The following RAB31 variants were observed in gnomAD, a reference collection of about 807,000 sequenced individuals.
RAB31 encodes RAB31, member RAS oncogene family, also known as ras-related protein Rab-31.
Under a neutral mutation model 25.6 loss-of-function variants are expected in RAB31, and 21 were observed. The observed-to-expected ratio is 0.82, with a 90% CI of 0.58 to 1.18. RAB31 has a LOEUF of 1.18. Among genes scored for constraint, RAB31 ranks in the 50% most tolerant of loss-of-function variants. RAB31 has a pLI of 0.00. For missense variants in RAB31, 196 were observed against 250.1 expected (o/e 0.78, Z 1.46); for synonymous variants, 87 against 84.0 (o/e 1.04, Z -0.20).
rs985991386 is a variant in RAB31, at chr18:9,859,937, T to C, written c.*612T>C. On this transcript the variant is annotated 3_prime_UTR_variant, in exon 7 of 7. Coordinates refer to ENST00000578921, the MANE Select transcript of RAB31 (RefSeq NM_006868.4). ...AAACTGTTGTCTACACCACTTTTAA[T>C]TGGTGAACAATTTTTCTAAGTTATG... 2.0e-5 allele frequency: 3 copies of C among 152,250 alleles called. No homozygotes were observed. The highest frequency in any genetic ancestry group is 7.2e-5 in the African/African-American group (3 of 41,466). 9.4% of individuals were successfully genotyped at this position (152,250 alleles called of 1,614,324 possible). A position where few individuals can be genotyped will look rare whatever the true frequency, so the allele number is the denominator to read the frequency against.
intron 5 of RAB31, among the ~76,000 whole-genome samples, chr18:9,835,374 G>A (rs2068699041): frequency 6.6e-6 from 1 of 151,538 alleles, no homozygotes; most frequent in Admixed American, 6.6e-5. Flanking sequence ...GGACTAGGCT[G>A]AATTTCTGTC....
At chr18:9,713,941 ACCTAAGCACCTCCCAAAGG>A (rs2068031109) in intron 1 of RAB31, among the ~76,000 whole-genome samples, 2 of 152,236 alleles carry the variant, frequency 1.3e-5, no homozygotes, top group South Asian at 4.2e-4. Context: ...TACCCTCACA[ACCTAAGCACCTCCCAAAGG>A]CCCACCTCCT....
At position 9,708,423 on chromosome 18, in the gene RAB31, G is replaced by A; in HGVS notation, c.18G>A (p.Glu6=). 2.5e-6 allele frequency: 4 copies of A among 1,570,396 alleles called. No individual in the cohort carries two copies. The highest frequency in any genetic ancestry group is 3.4e-6 in the Non-Finnish European group (4 of 1,159,864). MMAIR[E]LKVCLLGDTG... ...GCGAGCACATGATGGCGATACGGGA[G>A]CTCAAAGTGTGCCTTCTCGGGGTGA... The change falls in exon 1 of 7, where the codon GAG becomes GAA. Residue 6 remains glutamate (E), a synonymous_variant. Transcript: ENST00000578921. This position sits in a 1 kb window ranked among gnomAD's most constrained non-coding sequence, Gnocchi z 6.4.
At chr18:9,735,998 G>A (rs893069991) in intron 1 of RAB31, among the ~76,000 whole-genome samples, 3 of 152,060 alleles carry the variant, frequency 2.0e-5, no homozygotes, top group African/African-American at 7.2e-5. Context: ...CACCAAGCCT[G>A]GCTAATTTTT....
intron 2 of RAB31, among the ~76,000 whole-genome samples, chr18:9,783,546 G>T (rs1249395325): frequency 6.9e-6 from 1 of 145,054 alleles, no homozygotes; most frequent in Non-Finnish European, 1.5e-5. Context: ...ATGAAAATCT[G>T]ACTAACATCA....
intron 2 of RAB31, among the ~76,000 whole-genome samples, chr18:9,786,078 CAG>C (rs1389248687): frequency 1.4e-5 from 2 of 146,666 alleles, no homozygotes; most frequent in Non-Finnish European, 3.0e-5. Context: ...AAGAGAGTAA[CAG>C]AGAAGAGAAA....
chr18:9,832,795 G>A (rs1413027569), intron 5 of RAB31, among the ~76,000 whole-genome samples: 1 of 152,200 alleles, frequency 6.6e-6, no homozygotes, highest in Non-Finnish European at 1.5e-5. Context: ...TATCCTGAGG[G>A]GGAGATTGGA....
At position 9,708,363 on chromosome 18, in the gene RAB31, CG is replaced by C; in HGVS notation, c.-41del. The C allele has an allele frequency of 6.8e-7, 1 of 1,480,550 alleles. No individual in the cohort carries two copies. The highest frequency in any genetic ancestry group is 1.3e-5 in the South Asian group (1 of 77,498). 91.7% of individuals were successfully genotyped at this position (1,480,550 alleles called of 1,614,324 possible). A position where few individuals can be genotyped will look rare whatever the true frequency, so the allele number is the denominator to read the frequency against. On this transcript the variant is annotated 5_prime_UTR_variant, in exon 1 of 7. Coordinates refer to ENST00000578921, the MANE Select transcript of RAB31 (RefSeq NM_006868.4). This position sits in a 1 kb window ranked among gnomAD's most constrained non-coding sequence, Gnocchi z 6.4. ...CGGCGGGGCGCGGGCGCGGCGGCCCCGGAGGATGCTGCTGAGCCCCGGCACT... is the reference window on the plus strand; with the variant it reads ...CGGCGGGGCGCGGGCGCGGCGGCCCCGAGGATGCTGCTGAGCCCCGGCACT...
rs778924798 is a variant in RAB31, at chr18:9,766,154, C to T, written c.40-9124C>T. 3.3e-5 allele frequency among the ~76,000 whole-genome samples: 5 copies of T among 152,116 alleles called. No homozygotes were observed. The highest frequency in any genetic ancestry group is 7.4e-5 in the Non-Finnish European group (5 of 68,014). ...CTCTGAGTTGACCCTGGTTTTGGGG[C>T]TGTAGAAAGGGGAGGAGTAGCCATC... On this transcript the variant is annotated intron_variant, in intron 1 of 6. Transcript: ENST00000578921. The surrounding 1 kb of genome is among the most constrained non-coding windows in gnomAD (Gnocchi z 4.3).
rs1455992154 is a variant in RAB31 at position 9,859,273 on chromosome 18, G to A, written c.536G>A (p.Gly179Glu). Residue 179 changes from glycine (G) to glutamate (E), a missense_variant, in exon 7 of 7, where the codon GGA becomes GAA. Physicochemically the swap from Gly to Glu is moderately conservative, Grantham distance 98. Coordinates refer to ENST00000578921, the MANE Select transcript of RAB31 (RefSeq NM_006868.4). Reference protein sequence around the residue: ...PLDPHENGNNGTIKVEKPTMQ... With the variant: ...PLDPHENGNNETIKVEKPTMQ... ...GACCCCCATGAAAATGGAAACAATG[G>A]AACAATCAAAGTTGAGAAGCCAACC... The A allele has an allele frequency of 1.2e-6, 2 of 1,613,868 alleles. No homozygotes were observed. Among genetic ancestry groups the A allele is most frequent in the Non-Finnish European group, 8.5e-7 (1 of 1,179,836 alleles).
chr18:9,751,801 A>C (rs2145478800), intron 1 of RAB31, among the ~76,000 whole-genome samples: 2 of 152,342 alleles, frequency 1.3e-5, no homozygotes, highest in Admixed American at 1.3e-4. Flanking sequence ...CATCTACAAA[A>C]TCTTTGGGAC....
At chr18:9,720,658 C>T (rs567891676) in intron 1 of RAB31, among the ~76,000 whole-genome samples, 3 of 148,870 alleles carry the variant, frequency 2.0e-5, no homozygotes, top group Non-Finnish European at 3.0e-5. Flanking sequence ...AGATTTGGGC[C>T]TATAAGTAAT....
At chr18:9,803,120 C>T (rs1359634442) in intron 3 of RAB31, among the ~76,000 whole-genome samples, 1 of 152,156 alleles carries the variant, frequency 6.6e-6, no homozygotes, top group Non-Finnish European at 1.5e-5. Flanking sequence ...CACCAGCCCA[C>T]GATAGAACGT....
intron 5 of RAB31, among the ~76,000 whole-genome samples, chr18:9,836,842 ACACACGGGGAGAGTCAGTGTGTGAGG>A (rs1444407779): frequency 8.7e-5 from 8 of 91,514 alleles, no homozygotes; most frequent in African/African-American, 9.9e-5. Flanking sequence ...ACGGGGGGAA[ACACACGGGGAGAGTCAGTGTGTGAGG>A]CATGGGGTGA....
chr18:9,764,105 A>G (rs1432305329), intron 1 of RAB31, among the ~76,000 whole-genome samples: 1 of 152,134 alleles, frequency 6.6e-6, no homozygotes, highest in Non-Finnish European at 1.5e-5. Flanking sequence ...CAATGGAAAA[A>G]CGCATATTTT....
At chr18:9,798,107 A>T (rs138769562) in intron 3 of RAB31, among the ~76,000 whole-genome samples, 1 of 152,210 alleles carries the variant, frequency 6.6e-6, no homozygotes, top group African/African-American at 2.4e-5. Context: ...GCAAGGCATG[A>T]CTCCACAGTA....
chr18:9,750,524 G>C (rs576064942), intron 1 of RAB31, among the ~76,000 whole-genome samples: 50 of 152,186 alleles, frequency 3.3e-4, no homozygotes, highest in Non-Finnish European at 6.0e-4. Context: ...GCAGTTGCAT[G>C]CAAAACTGGG....
chr18:9,731,863 T>C (rs531820861), intron 1 of RAB31, among the ~76,000 whole-genome samples: 27 of 152,232 alleles, frequency 1.8e-4, no homozygotes, highest in Admixed American at 7.8e-4. Context: ...CCAAAGTGCC[T>C]GGATTACAGG....
Position 9,730,010 on chromosome 18 carries a change from T to C in RAB31, c.39+21566T>C, listed in dbSNP as rs188855040. On this transcript the variant is annotated intron_variant, in intron 1 of 6. Coordinates refer to ENST00000578921, the MANE Select transcript of RAB31 (RefSeq NM_006868.4). ...TAAATACGTGGTAGATTCTGGGTGA[T>C]TTTTCATATGCTTCATATAAAAAAT... Among the ~76,000 whole-genome samples, 497 of 152,294 alleles carry C rather than the reference T, an allele frequency of 3.3e-3. 2 individuals carry two copies. Among genetic ancestry groups the C allele is most frequent in the Non-Finnish European group, 5.4e-3 (367 of 68,028 alleles).
Sources: allele counts gnomAD v4.1 joint callset (sites outside exome capture counted in the v4.1 genomes callset), GRCh38; gene constraint gnomAD v4.1.1; non-coding constraint Gnocchi (gnomAD v3.1); transcripts MANE v1.5; gene names NCBI Gene and HGNC (gene_info 2026-07-23, HGNC 2026-07-21).